Variants in NEK3 observed in about 807,000 individuals in gnomAD.
The protein encoded by NEK3 is serine/threonine-protein kinase Nek3.
In NEK3, 54 loss-of-function variants were observed where a neutral mutation model predicts 66.0. The ratio of observed to expected loss-of-function variants is 0.82; its 90% CI spans 0.66 to 1.03. The LOEUF is 1.03. NEK3 is among the 50% of genes least tolerant of loss of function. The pLI, the probability that NEK3 is intolerant of heterozygous loss-of-function variation, is 0.00. For missense variants in NEK3, 593 were observed against 603.0 expected, an observed-to-expected ratio of 0.98 and a Z score of 0.17; for synonymous variants, 200 against 206.2, an observed-to-expected ratio of 0.97 and a Z score of 0.26.
chr13:52,143,327 A>C (rs184046340), intron 10 of NEK3, among the ~76,000 whole-genome samples: 156 of 151,848 alleles, frequency 1.0e-3, no homozygotes, highest in African/African-American at 3.6e-3. Context: ...AAAAAAAAAA[A>C]ACAAGCAGTT....
chr13:52,156,774 C>T (rs1376057215), intron 1 of NEK3: 1 of 152,202 alleles, frequency 6.6e-6, no homozygotes, highest in Non-Finnish European at 1.5e-5. Flanking sequence ...AACCTTTTTT[C>T]CTGTTAATCT....
intron 2 of NEK3, among the ~76,000 whole-genome samples, chr13:52,155,294 C>A (rs894456029): frequency 7.9e-5 from 12 of 152,178 alleles, no homozygotes; most frequent in African/African-American, 2.7e-4. Flanking sequence ...GTAATGAATT[C>A]TTTCATAGGA....
rs963434919 is a variant in NEK3 at position 52,144,588 on chromosome 13, T to C, written c.804+103A>G. The stretch of plus-strand genomic sequence containing the variant: ...TATTTTTTAATATACTTCTGTATCA[T>C]TTGGATTTTGATGAGCACATGTAAT... On this transcript the variant is annotated intron_variant, in intron 9 of 15. Coordinates refer to ENST00000610828, the MANE Select transcript of NEK3 (RefSeq NM_002498.3). 31 of 920,200 alleles carry C rather than the reference T, an allele frequency of 3.4e-5. No homozygotes were observed. In the African/African-American group the frequency reaches 4.4e-4, roughly 13 times the overall value. The allele number at this position is 920,200 out of a possible 1,614,324, so 57.0% of individuals were successfully genotyped here.
At position 52,151,241 on chromosome 13, in the gene NEK3, A is replaced by G. The variant is rs1956343616; in HGVS notation, c.462-9T>C. ...AAGCAAATGCCATCGGACTAAAACCATAAAAAGGCAACGAATGATTACAGA... is the reference window on the plus strand; with the variant it reads ...AAGCAAATGCCATCGGACTAAAACCGTAAAAAGGCAACGAATGATTACAGA... On this transcript the variant is annotated splice_polypyrimidine_tract_variant and intron_variant, in intron 6 of 15. Transcript: ENST00000610828. The G allele has an allele frequency of 1.2e-6, 2 of 1,604,732 alleles. No individual in the cohort carries two copies. The highest frequency in any genetic ancestry group is 1.7e-6 in the Non-Finnish European group (2 of 1,175,510).
intron 8 of NEK3, among the ~76,000 whole-genome samples, chr13:52,145,843 C>CCA (rs1015667048): frequency 7.9e-5 from 12 of 152,118 alleles, no homozygotes; most frequent in Admixed American, 6.5e-4. Flanking sequence ...GTGTATTGCC[C>CCA]TAATACCTAC....
In NEK3 at chr13:52,132,936, T is replaced by C; in HGVS notation, c.*206A>G. 1.8e-6 allele frequency: 1 copy of C among 550,022 alleles called. No homozygotes were observed. The allele number at this position is 550,022 out of a possible 1,614,324, so 34.1% of individuals were successfully genotyped here. A position where few individuals can be genotyped will look rare whatever the true frequency, so the allele number is the denominator to read the frequency against. ...ATGCTCACACTCATTCCACTATACC[T>C]TCTCCCTTGAGTTCAAAAACTTACA... On this transcript the variant is annotated 3_prime_UTR_variant, in exon 16 of 16. Coordinates refer to ENST00000610828, the MANE Select transcript of NEK3 (RefSeq NM_002498.3).
intron 14 of NEK3, among the ~76,000 whole-genome samples, chr13:52,134,248 C>T (rs961489885): frequency 1.3e-5 from 2 of 152,074 alleles, no homozygotes; most frequent in African/African-American, 2.4e-5. Flanking sequence ...TTGTCTTGAA[C>T]TCCTGAGCTC....
At chr13:52,138,312 C>T (rs1956221503) in intron 11 of NEK3, among the ~76,000 whole-genome samples, 1 of 152,202 alleles carries the variant, frequency 6.6e-6, no homozygotes, top group Non-Finnish European at 1.5e-5. Context: ...GTAAGCCACT[C>T]TGCCCCACCT....
rs1956211005 is a variant in NEK3 at position 52,136,908 on chromosome 13, A to G, written c.928-6T>C. The G allele has an allele frequency of 2.0e-6, 3 of 1,537,484 alleles. No individual in the cohort carries two copies. Among genetic ancestry groups the G allele is most frequent in the Non-Finnish European group, 2.6e-6 (3 of 1,136,100 alleles). ...CTATCTTGTTCTTCCTCTTGCTTTA[A>G]AAGAGATTAACAATACAGATTAAAT... On this transcript the variant is annotated splice_polypyrimidine_tract_variant and splice_region_variant and intron_variant, in intron 11 of 15. Transcript: ENST00000610828.
chr13:52,146,019 T>C (rs1462570965), intron 8 of NEK3, among the ~76,000 whole-genome samples: 1 of 152,228 alleles, frequency 6.6e-6, no homozygotes, highest in African/African-American at 2.4e-5. Flanking sequence ...CTGATCTGCA[T>C]ATTATGTTTT....
In NEK3 at chr13:52,135,721, T is replaced by C. The variant is rs758027255; in HGVS notation, c.1309+8A>G. ...GGGTTTCCAAGGTCACATACAGACA[T>C]GAATTACCTGGTCTATATATTGTGT... On this transcript the variant is annotated splice_region_variant and intron_variant, in intron 14 of 15. Transcript: ENST00000610828. 1.2e-6 allele frequency: 2 copies of C among 1,602,764 alleles called. No individual in the cohort carries two copies. Among genetic ancestry groups the C allele is most frequent in the South Asian group, 1.1e-5 (1 of 88,242 alleles).
chr13:52,150,212 G>A (rs1176667779), intron 7 of NEK3, among the ~76,000 whole-genome samples: 1 of 152,112 alleles, frequency 6.6e-6, no homozygotes, highest in Non-Finnish European at 1.5e-5. Context: ...TCCATGCCAA[G>A]AATGTCACAT....
At chr13:52,152,105 T>C (rs1484759037) in intron 5 of NEK3, among the ~76,000 whole-genome samples, 8 of 152,238 alleles carry the variant, frequency 5.3e-5, no homozygotes, top group South Asian at 4.1e-4. Flanking sequence ...ACTGTACTAC[T>C]ACAGAGATTT....
chr13:52,156,143 T>G lies in NEK3; in HGVS notation c.49A>C (p.Arg17=), dbSNP rs375492543. The G allele has an allele frequency of 6.2e-7, 1 of 1,607,186 alleles. No homozygotes were observed. The highest frequency in any genetic ancestry group is 1.3e-5 in the African/African-American group (1 of 74,952). Reference sequence around the variant, plus strand: ...CTTTCATGCTGAACCAAAAGAGCTCTGCCGAAGGAGCCCTCCCCAATCATT... The same window carrying G: ...CTTTCATGCTGAACCAAAAGAGCTCGGCCGAAGGAGCCCTCCCCAATCATT... ...LRMIGEGSFG[R]ALLVQHESSN... is the part of the protein sequence containing the mutation. Residue 17 remains arginine (R), a synonymous_variant, in exon 2 of 16, where the codon AGA becomes CGA. Transcript: ENST00000610828.
intron 11 of NEK3, among the ~76,000 whole-genome samples, chr13:52,138,401 A>G (rs539602245): frequency 6.6e-6 from 1 of 152,342 alleles, no homozygotes; most frequent in South Asian, 2.1e-4. Context: ...AATTGTGCAT[A>G]AAAATGGGTA....
At position 52,151,364 on chromosome 13, in the gene NEK3, A is replaced by G. The variant is rs544404898; in HGVS notation, c.422T>C (p.Val141Ala). The G allele has an allele frequency of 6.3e-7, 1 of 1,594,624 alleles. No individual in the cohort carries two copies. Among genetic ancestry groups the G allele is most frequent in the Non-Finnish European group, 8.5e-7 (1 of 1,170,068 alleles). The change falls in exon 6 of 16, where the codon GTG becomes GCG. Residue 141 changes from valine (V) to alanine (A), a missense_variant. By Grantham distance (64) the Val-to-Ala change is moderately conservative. Coordinates refer to ENST00000610828, the MANE Select transcript of NEK3 (RefSeq NM_002498.3). ...KNIFLTQNGKVKLGDFGSARL... is the reference protein window; with the variant it reads ...KNIFLTQNGKAKLGDFGSARL... ...GGCAGATCCAAAGTCTCCCAATTTC[A>G]CTTTTCCATTCTGAGTGAGGAAGAT...
intron 10 of NEK3, among the ~76,000 whole-genome samples, chr13:52,143,579 G>A (rs1428271657): frequency 6.6e-6 from 1 of 152,212 alleles, no homozygotes; most frequent in Non-Finnish European, 1.5e-5. Context: ...TACAAGATTA[G>A]TGCTATATTT....
intron 10 of NEK3, among the ~76,000 whole-genome samples, chr13:52,141,483 C>CTCAGAAGAGACCAGCAGGAGGAG (rs1886904125): frequency 6.6e-6 from 1 of 152,154 alleles, no homozygotes; most frequent in Non-Finnish European, 1.5e-5. Context: ...TGTTTATTAA[C>CTCAGAAGAGACCAGCAGGAGGAG]TCAGAAGAGA....
Position 52,144,003 on chromosome 13 carries a change from G to C in NEK3, c.805-16C>G. The C allele has an allele frequency of 7.3e-7, 1 of 1,363,376 alleles. No individual in the cohort carries two copies. Among genetic ancestry groups the C allele is most frequent in the Non-Finnish European group, 1.0e-6 (1 of 992,056 alleles). 84.5% of individuals were successfully genotyped at this position (1,363,376 alleles called of 1,614,324 possible). A position where few individuals can be genotyped will look rare whatever the true frequency, so the allele number is the denominator to read the frequency against. On this transcript the variant is annotated splice_polypyrimidine_tract_variant and intron_variant, in intron 9 of 15. Coordinates refer to ENST00000610828, the MANE Select transcript of NEK3 (RefSeq NM_002498.3). Reference sequence around the variant, plus strand: ...CCATGATGATCTGAAATTTAAAGTTGAGAATTTAGAGATGTGAAAACATAC... The same window carrying C: ...CCATGATGATCTGAAATTTAAAGTTCAGAATTTAGAGATGTGAAAACATAC...
Sources: allele counts gnomAD v4.1 joint callset (sites outside exome capture counted in the v4.1 genomes callset), GRCh38; gene constraint gnomAD v4.1.1; transcripts MANE v1.5; gene names NCBI Gene and HGNC (gene_info 2026-07-23, HGNC 2026-07-21).